The following LRP3 variants were observed in gnomAD, a reference collection of about 807,000 sequenced individuals.
The protein encoded by LRP3 is low-density lipoprotein receptor-related protein 3.
In LRP3, 49 loss-of-function variants were observed where a neutral mutation model predicts 58.5. The ratio of observed to expected loss-of-function variants is 0.84; its 90% CI spans 0.67 to 1.06. LRP3 has a LOEUF of 1.06. LRP3 is among the 50% of genes least tolerant of loss of function. LRP3 has a pLI of 0.00. For missense variants in LRP3, 1,019 were observed against 1,134.2 expected (o/e 0.90, Z 1.46); for synonymous variants, 485 against 492.2 (o/e 0.99, Z 0.20).
chr19:33,201,409 G>C (rs768450659), intron 2 of LRP3, among the ~76,000 whole-genome samples: 3 of 124,752 alleles, frequency 2.4e-5, no homozygotes, highest in African/African-American at 1.3e-4. Context: ...GGAGAGGTCC[G>C]GGGGGCTAGG....
chr19:33,200,637 G>T (rs1244087404), intron 2 of LRP3, among the ~76,000 whole-genome samples: 1 of 152,238 alleles, frequency 6.6e-6, no homozygotes, highest in Admixed American at 6.5e-5. Context: ...AGGGAACCAG[G>T]CTGGGGCCGG....
At chr19:33,197,325 T>G (rs1174104907) in intron 2 of LRP3, among the ~76,000 whole-genome samples, 1 of 152,182 alleles carries the variant, frequency 6.6e-6, no homozygotes, top group Non-Finnish European at 1.5e-5. Flanking sequence ...GCATCACAGC[T>G]TCCGTGGGAA....
In LRP3 at chr19:33,199,117, C is replaced by G. The variant is rs146710182; in HGVS notation, c.121+2340C>G. On this transcript the variant is annotated intron_variant, in intron 2 of 6. Transcript: ENST00000253193. ...GCTCAGACAGACCTCTTGACAGCCC[C>G]CAACACCTCCGAACCCCTCCCTCTT... Among the ~76,000 whole-genome samples, 532 of 152,234 alleles carry G rather than the reference C, an allele frequency of 3.5e-3. 6 individuals carry two copies. Among genetic ancestry groups the G allele is most frequent in the African/African-American group, 0.012 (498 of 41,522 alleles).
In LRP3 at chr19:33,207,518, G is replaced by A. The variant is rs201173393; in HGVS notation, c.2256G>A (p.Pro752=). The A allele has an allele frequency of 1.8e-4, 288 of 1,595,134 alleles. No homozygotes were observed. The highest frequency in any genetic ancestry group is 2.3e-4 in the Non-Finnish European group (273 of 1,170,220). The change falls in exon 7 of 7, where the codon CCG becomes CCA. Residue 752 remains proline, a synonymous_variant. Transcript: ENST00000253193. ...PEPLGVCRNP[P]PPCSPMLEAS... Reference sequence around the variant, plus strand: ...CACTGGGGGTCTGCAGGAACCCCCCGCCCCCCTGCTCCCCAATGCTGGAGG... The same window carrying A: ...CACTGGGGGTCTGCAGGAACCCCCCACCCCCCTGCTCCCCAATGCTGGAGG...
intron 3 of LRP3, among the ~76,000 whole-genome samples, chr19:33,203,421 G>T (rs1044700214): frequency 6.6e-6 from 1 of 152,240 alleles, no homozygotes; most frequent in Non-Finnish European, 1.5e-5. Flanking sequence ...GAGACTGCAT[G>T]TGTGAGCACA....
At chr19:33,201,853 G>A (rs1407264975) in intron 2 of LRP3, among the ~76,000 whole-genome samples, 1 of 152,160 alleles carries the variant, frequency 6.6e-6, no homozygotes, top group Admixed American at 6.5e-5. Context: ...ACACTGCCCT[G>A]GATGGTTTAG....
chr19:33,197,511 T>G (rs534099288), intron 2 of LRP3, among the ~76,000 whole-genome samples: 146 of 152,216 alleles, frequency 9.6e-4, no homozygotes, highest in African/African-American at 3.3e-3. Flanking sequence ...CCTGTAGTCT[T>G]AGCTACTCGG....
chr19:33,204,179 C>T (rs564675993), intron 3 of LRP3: 8 of 174,754 alleles, frequency 4.6e-5, no homozygotes, highest in African/African-American at 1.2e-4. Flanking sequence ...TAGCCAGCCC[C>T]GTGGGCAGTC....
rs576044762 is a variant in LRP3, at chr19:33,204,523, C to T, written c.261-115C>T. The T allele has an allele frequency of 8.8e-4, 655 of 740,600 alleles. 6 individuals are homozygous for T. The African/African-American group carries it at 0.01, about 12-fold the overall frequency. The allele number at this position is 740,600 out of a possible 1,614,324, so 45.9% of individuals were successfully genotyped here. A position where few individuals can be genotyped will look rare whatever the true frequency, so the allele number is the denominator to read the frequency against. On this transcript the variant is annotated intron_variant, in intron 3 of 6. Transcript: ENST00000253193. ...AACATGAGGAGTGGGGGCAGCCGGC[C>T]GGGACAGGGCTGGCTGTCCTGGCCG...
In LRP3 at chr19:33,194,510, G is replaced by GGGTCTTCCCTGGCGGC. The variant is rs1974263133; in HGVS notation, c.-275_-260dup. ...GGGGCGCGGGGGCAGCGGCGGGCGGGGGTCTTCCCTGGCGGCCGCCGCTGA... is the reference window on the plus strand; with the variant it reads ...GGGGCGCGGGGGCAGCGGCGGGCGGGGGTCTTCCCTGGCGGCGGTCTTCCCTGGCGGCCGCCGCTGA... On this transcript the variant is annotated 5_prime_UTR_variant, in exon 1 of 7. An upstream open reading frame in the 5' UTR gains an earlier in-frame stop. Transcript: ENST00000253193. 6.9e-6 allele frequency: 1 copy of GGGTCTTCCCTGGCGGC among 144,980 alleles called. No homozygotes were observed. 9.0% of individuals were successfully genotyped at this position (144,980 alleles called of 1,614,324 possible).
Position 33,208,805 on chromosome 19 carries a change from AAAAC to A in LRP3, c.*1234_*1237del, listed in dbSNP as rs1028887340. ...ATCTTTTTTCTTTTTTTTCCAGAAA[AAAAC>A]AAAACAAAACTTTTTTGCCAAAACA... On this transcript the variant is annotated 3_prime_UTR_variant, in exon 7 of 7. Coordinates refer to ENST00000253193, the MANE Select transcript of LRP3 (RefSeq NM_002333.4). The surrounding 1 kb of genome is among the most constrained non-coding windows in gnomAD (Gnocchi z 4.7). 40 of 1,584,584 alleles carry A rather than the reference AAAAC, an allele frequency of 2.5e-5. No homozygotes were observed. Among genetic ancestry groups the A allele is most frequent in the African/African-American group, 1.4e-4 (10 of 73,574 alleles).
Position 33,204,624 on chromosome 19 carries a change from C to T in LRP3, c.261-14C>T, listed in dbSNP as rs1328214461. On this transcript the variant is annotated splice_polypyrimidine_tract_variant and intron_variant, in intron 3 of 6. Coordinates refer to ENST00000253193, the MANE Select transcript of LRP3 (RefSeq NM_002333.4). ...CTACTGCCTCATGTCTGGGTCCTCT[C>T]CGCCCCCCCGCAGCTTCCGCAACTT... 1 of 1,588,924 alleles carries T rather than the reference C, an allele frequency of 6.3e-7. No homozygotes were observed. The highest frequency in any genetic ancestry group is 1.3e-5 in the African/African-American group (1 of 74,756).
At position 33,207,291 on chromosome 19, in the gene LRP3, G is replaced by T. The variant is rs1974432211; in HGVS notation, c.2029G>T (p.Val677Leu). 2 of 1,560,622 alleles carry T rather than the reference G, an allele frequency of 1.3e-6. No individual in the cohort carries two copies. Among genetic ancestry groups the T allele is most frequent in the Non-Finnish European group, 1.7e-6 (2 of 1,161,128 alleles). ...CAGTGCCCCCGGCCGTGCACCGGAG[G>T]TGGGACCTTCAGGGCCACCCTTGCC... ...PPSAPGRAPE[V>L]GPSGPPLPSG... is the part of the protein sequence containing the mutation. Residue 677 changes from valine to leucine, a missense_variant, in exon 7 of 7, where the codon GTG becomes TTG. Transcript: ENST00000253193.
chr19:33,206,625 C>T lies in LRP3; in HGVS notation c.1617C>T (p.Arg539=), dbSNP rs1363773315. 6.2e-7 allele frequency: 1 copy of T among 1,607,738 alleles called. No homozygotes were observed. ...EYRAFETQMT[R]LEAEFVRREA... ...GGGCCTTCGAGACCCAGATGACGCG[C>T]CTGGAGGCTGAGTTCGTGCGGCGGG... Residue 539 remains arginine (R), a synonymous_variant, in exon 6 of 7, where the codon CGC becomes CGT. Transcript: ENST00000253193.
intron 5 of LRP3, 45 bp downstream of exon 5, chr19:33,206,407 C>T: frequency 6.3e-7 from 1 of 1,599,812 alleles, no homozygotes; most frequent in Non-Finnish European, 8.5e-7. Flanking sequence ...TCTTCATCAC[C>T]CAGGCTTGCT....
Position 33,207,374 on chromosome 19 carries a change from G to T in LRP3, c.2112G>T (p.Arg704Ser), listed in dbSNP as rs376828722. ...TGGACAAGGACAGAAAGGTCTGCAGGGAGCCACTGGTAGACGGCCCAGCTC... is the reference window on the plus strand; with the variant it reads ...TGGACAAGGACAGAAAGGTCTGCAGTGAGCCACTGGTAGACGGCCCAGCTC... ...RPVDKDRKVC[R>S]EPLVDGPAPA... Residue 704 changes from arginine (R) to serine (S), a missense_variant, in exon 7 of 7, where the codon AGG (arginine) becomes AGT (serine). Physicochemically the swap from Arg to Ser is moderately radical, Grantham distance 110. Transcript: ENST00000253193. 6.3e-7 allele frequency: 1 copy of T among 1,586,388 alleles called. No individual in the cohort carries two copies. The highest frequency in any genetic ancestry group is 1.3e-5 in the African/African-American group (1 of 74,794).
At chr19:33,197,092 G>T (rs971003826) in intron 2 of LRP3, among the ~76,000 whole-genome samples, 1 of 152,300 alleles carries the variant, frequency 6.6e-6, no homozygotes, top group African/African-American at 2.4e-5. Context: ...CGAGGGTCCC[G>T]TGGAATTGAC....
intron 2 of LRP3, 73 bp downstream of exon 2, chr19:33,196,850 T>C (rs946573512): frequency 4.3e-5 from 59 of 1,383,960 alleles, no homozygotes; most frequent in Non-Finnish European, 6.0e-5. Context: ...AAGACAGGCC[T>C]TCAGGGTCCT....
intron 3 of LRP3, 47 bp from the exon 4 acceptor site, chr19:33,204,591 G>T: frequency 1.4e-6 from 2 of 1,392,942 alleles, no homozygotes; most frequent in Non-Finnish European, 2.0e-6. Context: ...CGGCCATGGA[G>T]ATCCCACCTA....
Sources: gnomAD v4.1 joint callset for allele counts (sites outside exome capture counted in the v4.1 genomes callset) on GRCh38, gnomAD v4.1.1 for gene constraint, Gnocchi (gnomAD v3.1) non-coding constraint, MANE v1.5 for transcripts, NCBI Gene and HGNC (gene_info 2026-07-23, HGNC 2026-07-21) for gene names.